FSTL5: variants seen among roughly 807,000 people sequenced by gnomAD.
FSTL5 encodes the protein follistatin like 5.
A neutral mutation model predicts 89.1 loss-of-function variants in FSTL5; 62 were observed. The ratio of observed to expected loss-of-function variants is 0.70; its 90% CI spans 0.57 to 0.86. The LOEUF is 0.86. Ranked by LOEUF, FSTL5 falls within the 40% of genes least tolerant of loss-of-function variation. The pLI, the probability that FSTL5 is intolerant of heterozygous loss-of-function variation, is 0.00. For synonymous variants in FSTL5, 383 were observed against 346.2 expected (o/e 1.11, Z -1.18); for missense variants, 1,057 against 1,001.6 (o/e 1.06, Z -0.75).
chr4:162,027,263 A>G (rs1202389124), intron 3 of FSTL5, among the ~76,000 whole-genome samples: 1 of 152,096 alleles, frequency 6.6e-6, no homozygotes, highest in Non-Finnish European at 1.5e-5. Context: ...ATACCTAGAA[A>G]AAGTTATTAC....
rs933223336 is a variant in FSTL5, at chr4:161,385,523, G to C, written c.*224C>G. ...TACATATTTGATTCTTGTGACTGAT[G>C]TGATTTCTCATTAAATATTGTGCTG... On this transcript the variant is annotated 3_prime_UTR_variant, in exon 16 of 16. Coordinates refer to ENST00000306100, the MANE Select transcript of FSTL5 (RefSeq NM_020116.5). 7 of 449,392 alleles carry C rather than the reference G, an allele frequency of 1.6e-5. No individual in the cohort carries two copies. The highest frequency in any genetic ancestry group is 1.4e-4 in the African/African-American group (7 of 49,944). The allele number at this position is 449,392 out of a possible 1,614,324, so 27.8% of individuals were successfully genotyped here.
intron 3 of FSTL5, among the ~76,000 whole-genome samples, chr4:161,956,648 A>G (rs1735033767): frequency 6.6e-6 from 1 of 151,974 alleles, no homozygotes; most frequent in Admixed American, 6.6e-5. Context: ...ACAGCATATA[A>G]CTTGGGGAAA....
intron 5 of FSTL5, among the ~76,000 whole-genome samples, chr4:161,763,022 C>A (rs1485776147): frequency 6.6e-6 from 1 of 152,144 alleles, no homozygotes; most frequent in Non-Finnish European, 1.5e-5. Context: ...GACTCACTGT[C>A]TTGGTACTGT....
rs536994509 is a variant in FSTL5 at position 161,655,763 on chromosome 4, G to A, written c.894+565C>T. On this transcript the variant is annotated intron_variant, in intron 7 of 15. Coordinates refer to ENST00000306100, the MANE Select transcript of FSTL5 (RefSeq NM_020116.5). ...CATATATTTTTAGATGCACAGAAGC[G>A]TTCTGTAAGATAATAGGATATTTTC... is the stretch of plus-strand genomic sequence containing the variant. Among the ~76,000 whole-genome samples, 9 of 152,030 alleles carry A rather than the reference G, an allele frequency of 5.9e-5. No homozygotes were observed. In the South Asian group the frequency reaches 6.2e-4, roughly 11 times the overall value.
At chr4:161,835,973 T>C (rs1168194459) in intron 4 of FSTL5, among the ~76,000 whole-genome samples, 1 of 152,024 alleles carries the variant, frequency 6.6e-6, no homozygotes, top group African/African-American at 2.4e-5. Context: ...CAAAGGACTA[T>C]AAATCATGCT....
At position 161,451,673 on chromosome 4, in the gene FSTL5, A is replaced by G. The variant is rs118153045; in HGVS notation, c.1841+3331T>C. ...TAGATCTGTCTGACAGCAGATGTAA[A>G]TTCTTATTACTGTAGTTACTGGTTC... On this transcript the variant is annotated intron_variant, in intron 15 of 15. Transcript: ENST00000306100. Among the ~76,000 whole-genome samples the G allele has an allele frequency of 6.2e-4, 95 of 152,306 alleles. 2 individuals carry two copies. In the East Asian group the frequency reaches 0.015, roughly 24 times the overall value.
At chr4:162,040,569 C>A (rs369831649) in intron 2 of FSTL5, among the ~76,000 whole-genome samples, 63 of 151,806 alleles carry the variant, frequency 4.2e-4, no homozygotes, top group African/African-American at 1.3e-3. Flanking sequence ...GAAAAAAATG[C>A]CTGAAAAATA....
intron 8 of FSTL5, chr4:161,552,637 T>C (rs1255674048): frequency 6.6e-6 from 1 of 151,756 alleles, no homozygotes; most frequent in Non-Finnish European, 1.5e-5. Context: ...GAAATTTTAA[T>C]TCTCATATAG....
chr4:161,397,250 A>C (rs28454217), intron 15 of FSTL5, among the ~76,000 whole-genome samples: 2 of 152,088 alleles, frequency 1.3e-5, no homozygotes, highest in South Asian at 4.1e-4. Flanking sequence ...GTATATATAC[A>C]TGCACATAAA....
chr4:161,703,113 G>C lies in FSTL5; in HGVS notation c.728-46619C>G, dbSNP rs576473924. On this transcript the variant is annotated intron_variant, in intron 6 of 15. Coordinates refer to ENST00000306100, the MANE Select transcript of FSTL5 (RefSeq NM_020116.5). ...GAGAGGGTCATCTACAAGCAAAGGA[G>C]AGAGGCCTCAGGAGAAACCAAACCT... Among the ~76,000 whole-genome samples, 6 of 152,200 alleles carry C rather than the reference G, an allele frequency of 3.9e-5. No individual in the cohort carries two copies. In the South Asian group the frequency reaches 1.2e-3, roughly 32 times the overall value.
intron 2 of FSTL5, among the ~76,000 whole-genome samples, chr4:162,053,852 G>A (rs1355664431): frequency 2.0e-5 from 3 of 151,368 alleles, no homozygotes; most frequent in African/African-American, 7.3e-5. Flanking sequence ...AAATACCTAA[G>A]ATGTACCCAC....
At chr4:161,552,696 A>C (rs1159581056) in intron 8 of FSTL5, 1 of 151,696 alleles carries the variant, frequency 6.6e-6, no homozygotes, top group East Asian at 1.9e-4. Flanking sequence ...CATGTGTCTC[A>C]CTTAGTTTAT....
At chr4:161,765,929 G>A (rs899343190) in intron 5 of FSTL5, among the ~76,000 whole-genome samples, 1 of 151,766 alleles carries the variant, frequency 6.6e-6, no homozygotes, top group African/African-American at 2.4e-5. Flanking sequence ...CCAGTCGCTG[G>A]GATTACAGGT....
chr4:162,080,944 C>T (rs1052109604), intron 2 of FSTL5, among the ~76,000 whole-genome samples: 21 of 151,440 alleles, frequency 1.4e-4, no homozygotes, highest in Admixed American at 3.3e-4. Context: ...TAATAAGCTG[C>T]GTTGGTTTAA....
At chr4:161,984,324 A>G (rs902993482) in intron 3 of FSTL5, among the ~76,000 whole-genome samples, 4 of 151,954 alleles carry the variant, frequency 2.6e-5, no homozygotes, top group East Asian at 1.9e-4. Context: ...TTTTTTTGCT[A>G]TAAGTTTTTC....
intron 4 of FSTL5, among the ~76,000 whole-genome samples, chr4:161,833,599 C>T (rs1270001557): frequency 1.3e-5 from 2 of 151,740 alleles, no homozygotes; most frequent in Non-Finnish European, 2.9e-5. Context: ...GGATAGTTAG[C>T]TCTTCTTGTT....
intron 6 of FSTL5, among the ~76,000 whole-genome samples, chr4:161,716,422 C>A (rs970842312): frequency 2.0e-5 from 3 of 152,046 alleles, no homozygotes; most frequent in Non-Finnish European, 4.4e-5. Flanking sequence ...CATGGCAAAA[C>A]CCTGTCTCTA....
chr4:161,641,215 T>A (rs1226412088), intron 7 of FSTL5, among the ~76,000 whole-genome samples: 1 of 152,126 alleles, frequency 6.6e-6, no homozygotes, highest in African/African-American at 2.4e-5. Context: ...GAAATAAGAA[T>A]CTCAATAAAG....
chr4:161,650,369 A>G (rs1736294238), intron 7 of FSTL5, among the ~76,000 whole-genome samples: 1 of 152,200 alleles, frequency 6.6e-6, no homozygotes, highest in South Asian at 2.1e-4. Context: ...AATTCAATTA[A>G]TGTTGAATTT....
Sources: allele counts gnomAD v4.1 joint callset (sites outside exome capture counted in the v4.1 genomes callset), GRCh38; gene constraint gnomAD v4.1.1; transcripts MANE v1.5; gene names NCBI Gene and HGNC (gene_info 2026-07-23, HGNC 2026-07-21).